Variants in SDK1 observed in about 807,000 individuals in gnomAD.
SDK1 encodes the protein sidekick cell adhesion molecule 1, also known as protein sidekick-1.
Under a neutral mutation model 245.5 loss-of-function variants are expected in SDK1, and 157 were observed. That is an observed-to-expected ratio of 0.64 (90% confidence interval 0.56 to 0.73). SDK1 has a LOEUF of 0.73. SDK1 is among the 30% of genes least tolerant of loss of function. The pLI is 0.00. For synonymous variants in SDK1, 1,647 were observed against 1,278.5 expected, an observed-to-expected ratio of 1.29 and a Z score of -6.15; for missense variants, 3,583 against 3,002.3, an observed-to-expected ratio of 1.19 and a Z score of -4.52.
chr7:4,098,369 C>A (rs907666654), intron 22 of SDK1, among the ~76,000 whole-genome samples: 3 of 152,216 alleles, frequency 2.0e-5, no homozygotes, highest in African/African-American at 7.2e-5. Context: ...TTTCCCCGTT[C>A]TTTCCGAGGA....
At chr7:3,652,482 A>G (rs954338902) in intron 4 of SDK1, among the ~76,000 whole-genome samples, 2 of 152,232 alleles carry the variant, frequency 1.3e-5, no homozygotes, top group Non-Finnish European at 2.9e-5. Flanking sequence ...CGGAGCCAGA[A>G]TATGCGCACG....
intron 2 of SDK1, among the ~76,000 whole-genome samples, chr7:3,637,917 A>T (rs917972794): frequency 6.6e-6 from 1 of 152,252 alleles, no homozygotes; most frequent in Non-Finnish European, 1.5e-5. Flanking sequence ...TCTGTATCTC[A>T]TCCTGAAAGT....
At chr7:3,798,073 A>G (rs879788378) in intron 4 of SDK1, among the ~76,000 whole-genome samples, 6 of 152,070 alleles carry the variant, frequency 3.9e-5, no homozygotes, top group Admixed American at 2.0e-4. Context: ...ACCATTTACT[A>G]GAGCCTTTTT....
chr7:4,138,472 A>G (rs622731), intron 28 of SDK1, among the ~76,000 whole-genome samples: 112,817 of 151,946 alleles, frequency 0.74, 41,984 homozygotes, highest in East Asian at 0.9. Flanking sequence ...AAGGCCAGGC[A>G]TGGTGGCTCA....
At chr7:3,679,295 G>A (rs1349758189) in intron 4 of SDK1, among the ~76,000 whole-genome samples, 2 of 151,878 alleles carry the variant, frequency 1.3e-5, no homozygotes, top group Admixed American at 6.6e-5. Context: ...GGCCAGGTGC[G>A]GTGGCTCATG....
chr7:3,712,778 A>G (rs1036202575), intron 4 of SDK1, among the ~76,000 whole-genome samples: 2 of 152,224 alleles, frequency 1.3e-5, no homozygotes, highest in Non-Finnish European at 2.9e-5. Flanking sequence ...CATTCTGAGG[A>G]AAGGGTCAGA....
intron 3 of SDK1, among the ~76,000 whole-genome samples, chr7:3,641,707 G>A (rs1782652710): frequency 6.6e-6 from 1 of 152,238 alleles, no homozygotes; most frequent in Admixed American, 6.5e-5. Flanking sequence ...GTATTGTCAG[G>A]TAGGACAAAG....
At chr7:3,836,245 A>G (rs1780025930) in intron 5 of SDK1, among the ~76,000 whole-genome samples, 1 of 152,224 alleles carries the variant, frequency 6.6e-6, no homozygotes, top group Non-Finnish European at 1.5e-5. Context: ...TGAGCTATAA[A>G]TATTAGTTCT....
chr7:4,261,003 T>C (rs1787968478), intron 44 of SDK1, among the ~76,000 whole-genome samples: 1 of 152,216 alleles, frequency 6.6e-6, no homozygotes, highest in Non-Finnish European at 1.5e-5. Context: ...AAACAGTTTA[T>C]ACTTAATGTT....
At chr7:3,427,739 T>C (rs1010148864) in intron 1 of SDK1, among the ~76,000 whole-genome samples, 8 of 152,140 alleles carry the variant, frequency 5.3e-5, no homozygotes, top group African/African-American at 1.9e-4. Flanking sequence ...TGAAGTTTTT[T>C]TGCTGGCATC....
At chr7:3,912,639 C>T (rs571013631) in intron 5 of SDK1, among the ~76,000 whole-genome samples, 3 of 152,222 alleles carry the variant, frequency 2.0e-5, no homozygotes, top group South Asian at 2.1e-4. Flanking sequence ...CTGGGGCACC[C>T]GCTTCTGGGC....
At chr7:3,455,309 C>A (rs1365529328) in intron 1 of SDK1, among the ~76,000 whole-genome samples, 1 of 150,724 alleles carries the variant, frequency 6.6e-6, no homozygotes, top group African/African-American at 2.4e-5. Context: ...TCAATTTTTT[C>A]TATATGGATT....
rs11980057 is a variant in SDK1, at chr7:3,946,983, A to G, written c.848-3940A>G. Among the ~76,000 whole-genome samples, 746 of 152,280 alleles carry G rather than the reference A, an allele frequency of 4.9e-3. 8 individuals carry two copies. Among genetic ancestry groups the G allele is most frequent in the African/African-American group, 0.017 (715 of 41,556 alleles). On this transcript the variant is annotated intron_variant, in intron 5 of 44. Coordinates refer to ENST00000404826, the MANE Select transcript of SDK1 (RefSeq NM_152744.4). ...CTCCGTGTCTTAACAATATGTGTCT[A>G]TTGCTAGTTCTTGATTTGCCAATTT...
At chr7:3,487,614 G>A (rs1199138516) in intron 1 of SDK1, among the ~76,000 whole-genome samples, 2 of 151,916 alleles carry the variant, frequency 1.3e-5, no homozygotes, top group Non-Finnish European at 2.9e-5. Context: ...AATTAGCCAG[G>A]CATGGTAGCT....
At chr7:3,590,849 C>T (rs938270195) in intron 1 of SDK1, among the ~76,000 whole-genome samples, 1 of 145,958 alleles carries the variant, frequency 6.9e-6, no homozygotes, top group Non-Finnish European at 1.5e-5. Flanking sequence ...GTGGCATGAT[C>T]GTAGATTACT....
intron 35 of SDK1, among the ~76,000 whole-genome samples, chr7:4,198,967 C>T (rs148189228): frequency 0.017 from 2,622 of 152,150 alleles, 30 homozygotes; most frequent in Middle Eastern, 0.054. Flanking sequence ...GCACGCACCA[C>T]CACGCCTGGC....
intron 1 of SDK1, among the ~76,000 whole-genome samples, chr7:3,503,398 G>C (rs989920824): frequency 1.1e-4 from 17 of 152,204 alleles, no homozygotes; most frequent in African/African-American, 3.9e-4. Flanking sequence ...AACAACTTCA[G>C]GTGGGGTGTG....
chr7:3,540,793 A>G (rs1241731843), intron 1 of SDK1, among the ~76,000 whole-genome samples: 2 of 152,234 alleles, frequency 1.3e-5, no homozygotes, highest in Admixed American at 6.5e-5. Context: ...TTTTATGTTG[A>G]AAGCCATCAT....
chr7:3,527,326 G>C (rs1214459022), intron 1 of SDK1, among the ~76,000 whole-genome samples: 1 of 152,176 alleles, frequency 6.6e-6, no homozygotes. Context: ...GCAGAGTGTT[G>C]AGTACTGTGA....
Sources: gnomAD v4.1 joint callset for allele counts (sites outside exome capture counted in the v4.1 genomes callset) on GRCh38, gnomAD v4.1.1 for gene constraint, MANE v1.5 for transcripts, NCBI Gene and HGNC (gene_info 2026-07-23, HGNC 2026-07-21) for gene names.